Variants in TMEM132D observed in about 807,000 individuals in gnomAD.
TMEM132D encodes the protein transmembrane protein 132D, also known as mature OL transmembrane protein.
In TMEM132D, 21 loss-of-function variants were observed where a neutral mutation model predicts 62.3. That is an observed-to-expected ratio of 0.34 (90% CI 0.24 to 0.49). TMEM132D has a LOEUF of 0.49. Ranked by LOEUF, TMEM132D falls within the 20% of genes least tolerant of loss-of-function variation. TMEM132D has a pLI of 0.99. For missense variants in TMEM132D, 1,346 were observed against 1,402.8 expected, an observed-to-expected ratio of 0.96 and a Z score of 0.65; for synonymous variants, 621 against 575.6, an observed-to-expected ratio of 1.08 and a Z score of -1.13.
rs1196359526 is a variant in TMEM132D, at chr12:129,463,538, T to G, written c.1115+67521A>C. Among the ~76,000 whole-genome samples, 5 of 151,596 alleles carry G rather than the reference T, an allele frequency of 3.3e-5. No homozygotes were observed. The East Asian group carries it at 5.9e-4, about 18-fold the overall frequency. On this transcript the variant is annotated intron_variant, in intron 3 of 8. Coordinates refer to ENST00000422113, the MANE Select transcript of TMEM132D (RefSeq NM_133448.3). ...GTGCACAACATGCAGGTTTGTTACA[T>G]ATGTATACATGTGCCATGTTGGTGT... is the stretch of plus-strand genomic sequence containing the variant.
chr12:129,485,786 G>T (rs1426963952), intron 3 of TMEM132D, among the ~76,000 whole-genome samples: 2 of 152,186 alleles, frequency 1.3e-5, no homozygotes, highest in Non-Finnish European at 2.9e-5. Flanking sequence ...CTGAGGAATT[G>T]AGTCCAAGAA....
chr12:129,563,731 GTCAACCCACAGACAT>G (rs1011472110), intron 2 of TMEM132D, among the ~76,000 whole-genome samples: 10 of 152,060 alleles, frequency 6.6e-5, no homozygotes, highest in East Asian at 1.9e-4. Flanking sequence ...AAGAGGGAGG[GTCAACCCACAGACAT>G]TCAACCCACA....
intron 3 of TMEM132D, among the ~76,000 whole-genome samples, chr12:129,471,403 T>C (rs1038828839): frequency 5.3e-5 from 8 of 152,132 alleles, no homozygotes; most frequent in Non-Finnish European, 1.2e-4. Flanking sequence ...TGCAATTCTT[T>C]GGGGGCACTA....
At chr12:129,670,201 GA>G (rs1880471459) in intron 2 of TMEM132D, among the ~76,000 whole-genome samples, 1 of 152,156 alleles carries the variant, frequency 6.6e-6, no homozygotes, top group African/African-American at 2.4e-5. Flanking sequence ...GGCTTAGGCT[GA>G]ACTAACTTTG....
At chr12:129,369,115 C>T (rs11060283) in intron 3 of TMEM132D, among the ~76,000 whole-genome samples, 7,894 of 152,282 alleles carry the variant, frequency 0.052, 409 homozygotes, top group East Asian at 0.21. Flanking sequence ...AGTTTAAAGG[C>T]TATTCGACTT....
At position 129,867,966 on chromosome 12, in the gene TMEM132D, A is replaced by G. The variant is rs1011795418; in HGVS notation, c.79+35295T>C. 2.6e-5 allele frequency among the ~76,000 whole-genome samples: 4 copies of G among 152,160 alleles called. No homozygotes were observed. The highest frequency in any genetic ancestry group is 7.2e-5 in the African/African-American group (3 of 41,432). ...ACGAGGCAGTGTTTCTATGGTACAC[A>G]TGAGACAGCATTTGTACGGTACACA... On this transcript the variant is annotated intron_variant, in intron 1 of 8. Coordinates refer to ENST00000422113, the MANE Select transcript of TMEM132D (RefSeq NM_133448.3). This position sits in a 1 kb window ranked among gnomAD's most constrained non-coding sequence, Gnocchi z 4.5.
intron 3 of TMEM132D, among the ~76,000 whole-genome samples, chr12:129,489,234 G>A (rs1021325106): frequency 6.6e-6 from 1 of 152,098 alleles, no homozygotes; most frequent in African/African-American, 2.4e-5. Flanking sequence ...TTTTCTCTGT[G>A]TCACATCAAT....
At chr12:129,510,603 G>A (rs1875468950) in intron 3 of TMEM132D, among the ~76,000 whole-genome samples, 1 of 152,164 alleles carries the variant, frequency 6.6e-6, no homozygotes, top group African/African-American at 2.4e-5. Context: ...TGAGGTCTCA[G>A]ATTTAAGTCT....
At chr12:129,771,741 A>G (rs1441470203) in intron 1 of TMEM132D, among the ~76,000 whole-genome samples, 1 of 152,174 alleles carries the variant, frequency 6.6e-6, no homozygotes, top group Non-Finnish European at 1.5e-5. Context: ...GACATTTACT[A>G]CCCTTGCCTT....
chr12:129,649,788 GTGTGTGTGCGTA>G (rs762119354), intron 2 of TMEM132D, among the ~76,000 whole-genome samples: 13 of 151,778 alleles, frequency 8.6e-5, no homozygotes, highest in African/African-American at 2.7e-4. Flanking sequence ...GTATATGTAT[GTGTGTGTGCGTA>G]TGTGTGTGTG....
chr12:129,161,808 T>C (rs562334242), intron 5 of TMEM132D, among the ~76,000 whole-genome samples: 1 of 152,264 alleles, frequency 6.6e-6, no homozygotes, highest in Admixed American at 6.5e-5. Flanking sequence ...GAGTGGAGCA[T>C]TGAAAACGCT....
intron 2 of TMEM132D, among the ~76,000 whole-genome samples, chr12:129,641,182 G>A (rs946779304): frequency 1.3e-5 from 2 of 152,102 alleles, no homozygotes; most frequent in Non-Finnish European, 2.9e-5. Context: ...CATAAAACTG[G>A]TTCCTGGTGC....
At chr12:129,390,089 G>C (rs74827443) in intron 3 of TMEM132D, among the ~76,000 whole-genome samples, 9,863 of 152,290 alleles carry the variant, frequency 0.065, 341 homozygotes, top group South Asian at 0.12. Flanking sequence ...AGGGATTGTC[G>C]CTGTTGTGTG....
chr12:129,103,768 T>C (rs1875394035), intron 5 of TMEM132D, among the ~76,000 whole-genome samples: 1 of 152,034 alleles, frequency 6.6e-6, no homozygotes, highest in African/African-American at 2.4e-5. Flanking sequence ...GAGAGCCAAA[T>C]CATGAGTGAA....
chr12:129,313,569 GTA>G (rs71451305), intron 4 of TMEM132D, among the ~76,000 whole-genome samples: 30,063 of 148,130 alleles, frequency 0.2, 3,680 homozygotes, highest in East Asian at 0.39. Flanking sequence ...GTGTGTGTGT[GTA>G]TATATATATA....
At chr12:129,144,132 A>G (rs531728163) in intron 5 of TMEM132D, among the ~76,000 whole-genome samples, 2 of 152,176 alleles carry the variant, frequency 1.3e-5, no homozygotes, top group African/African-American at 4.8e-5. Flanking sequence ...TTCTCAATTA[A>G]TGAAGTAAGG....
intron 2 of TMEM132D, among the ~76,000 whole-genome samples, chr12:129,678,479 T>A (rs1445712331): frequency 1.3e-5 from 2 of 152,156 alleles, no homozygotes; most frequent in African/African-American, 4.8e-5. Flanking sequence ...TTTTTGCCCA[T>A]TTTTATATTT....
At chr12:129,193,751 G>T (rs1029637535) in intron 5 of TMEM132D, among the ~76,000 whole-genome samples, 1 of 152,148 alleles carries the variant, frequency 6.6e-6, no homozygotes, top group Non-Finnish European at 1.5e-5. Flanking sequence ...TACATACCAG[G>T]CCTTCTGGTA....
intron 5 of TMEM132D, among the ~76,000 whole-genome samples, chr12:129,106,584 T>C (rs1875506234): frequency 6.6e-6 from 1 of 152,164 alleles, no homozygotes; most frequent in Admixed American, 6.5e-5. Context: ...GCAGTCACCA[T>C]ACCTGAAAGA....
Sources: allele counts gnomAD v4.1 joint callset (sites outside exome capture counted in the v4.1 genomes callset), GRCh38; gene constraint gnomAD v4.1.1; non-coding constraint Gnocchi (gnomAD v3.1); transcripts MANE v1.5; gene names NCBI Gene and HGNC (gene_info 2026-07-23, HGNC 2026-07-21).